Variants in TERB1 observed in about 807,000 individuals in gnomAD.
TERB1 encodes the protein telomere repeats-binding bouquet formation protein 1.
Under a neutral mutation model 92.3 loss-of-function variants are expected in TERB1, and 63 were observed. The ratio of observed to expected loss-of-function variants is 0.68; its 90% CI spans 0.56 to 0.84. The LOEUF (loss-of-function observed/expected upper bound fraction) is 0.84, where lower values mean the gene tolerates loss of function less well. Among genes scored for constraint, TERB1 ranks in the 40% least tolerant of loss-of-function variants. The pLI is 0.00. For synonymous variants in TERB1, 252 were observed against 283.9 expected, an observed-to-expected ratio of 0.89 and a Z score of 1.13; for missense variants, 709 against 843.7, an observed-to-expected ratio of 0.84 and a Z score of 1.98.
At chr16:66,771,805 C>T (rs2145130374) in intron 13 of TERB1, among the ~76,000 whole-genome samples, 3 of 152,244 alleles carry the variant, frequency 2.0e-5, no homozygotes, top group Admixed American at 2.0e-4. Context: ...GAATACTACT[C>T]AGACAATTAA....
rs1161918270 is a variant in TERB1, at chr16:66,789,392, G to T, written c.272-1095C>A. On this transcript the variant is annotated intron_variant, in intron 5 of 18. Transcript: ENST00000433154. ...GAGGTCAGGAGATCGAGACCATCCT[G>T]GCTAACACGGTGAAACCCCGTCTCT... is the stretch of plus-strand genomic sequence containing the variant. 6.2e-5 allele frequency among the ~76,000 whole-genome samples: 3 copies of T among 48,052 alleles called. 1 individual carries two copies. The highest frequency in any genetic ancestry group is 1.1e-4 in the Non-Finnish European group (3 of 28,148). The allele number at this position is 48,052 out of a possible 152,430, so 31.5% of individuals were successfully genotyped here. A position where few individuals can be genotyped will look rare whatever the true frequency, so the allele number is the denominator to read the frequency against.
intron 3 of TERB1, among the ~76,000 whole-genome samples, chr16:66,795,468 G>C (rs1411424187): frequency 6.6e-6 from 1 of 152,136 alleles, no homozygotes; most frequent in South Asian, 2.1e-4. Context: ...TTTCCAGCTA[G>C]TGTTTCCTGG....
Position 66,777,223 on chromosome 16 carries a change from C to T in TERB1, c.965G>A (p.Gly322Asp), listed in dbSNP as rs868475669. Residue 322 changes from glycine (G) to aspartate (D), a missense_variant, in exon 11 of 19, where the codon GGT becomes GAT. By Grantham distance (94) the Gly-to-Asp change is moderately conservative (BLOSUM62 -1). Transcript: ENST00000433154. ...CTTACCACAATCCTCTGTGCAATGA[C>T]CAAGAGTAAGCATGATGCTAAATTT... Reference protein sequence around the residue: ...GEKFSIMLTLGHCTEDCEENQ... With the variant: ...GEKFSIMLTLDHCTEDCEENQ... 1.3e-6 allele frequency: 2 copies of T among 1,550,572 alleles called. No individual in the cohort carries two copies. The highest frequency in any genetic ancestry group is 1.4e-5 in the African/African-American group (1 of 73,108).
chr16:66,772,582 A>G lies in TERB1; in HGVS notation c.1272+7T>C. On this transcript the variant is annotated splice_region_variant and intron_variant, in intron 13 of 18. Transcript: ENST00000433154. ...AGTTCTATATTCTTTAAAACAAAGA[A>G]TCCAACCTCATTTCCTTCTCTTTCA... is the stretch of plus-strand genomic sequence containing the variant. 1 of 1,538,998 alleles carries G rather than the reference A, an allele frequency of 6.5e-7. No homozygotes were observed. Among genetic ancestry groups the G allele is most frequent in the Non-Finnish European group, 8.7e-7 (1 of 1,143,712 alleles).
At chr16:66,791,434 T>C (rs1218444667) in intron 3 of TERB1, among the ~76,000 whole-genome samples, 3 of 151,884 alleles carry the variant, frequency 2.0e-5, no homozygotes, top group Admixed American at 6.6e-5. Context: ...CCTAGGAAAT[T>C]AGAAAAAGAA....
In TERB1 at chr16:66,772,673, C is replaced by T. The variant is rs1187706053; in HGVS notation, c.1188G>A (p.Val396=). ...NETQQLKDIS[V]KENNLEEHWR... is the part of the protein sequence containing the mutation. Reference sequence around the variant, plus strand: ...AGTGCTCTTCAAGATTATTCTCCTTCACACTTATGTCCTTTAATTGCTGTG... The same window carrying T: ...AGTGCTCTTCAAGATTATTCTCCTTTACACTTATGTCCTTTAATTGCTGTG... The change falls in exon 13 of 19, where the codon GTG becomes GTA. Residue 396 remains valine (V), a synonymous_variant. Coordinates refer to ENST00000433154, the MANE Select transcript of TERB1 (RefSeq NM_001136505.2). 6.5e-7 allele frequency: 1 copy of T among 1,549,996 alleles called. No homozygotes were observed. Among genetic ancestry groups the T allele is most frequent in the Non-Finnish European group, 8.7e-7 (1 of 1,145,388 alleles).
chr16:66,797,390 C>T (rs1378742533), intron 2 of TERB1, among the ~76,000 whole-genome samples: 1 of 151,852 alleles, frequency 6.6e-6, no homozygotes, highest in Admixed American at 6.6e-5. Context: ...CACATGCCAC[C>T]ATACTTGGCT....
intron 6 of TERB1, 55 bp downstream of exon 6, chr16:66,788,114 T>C: frequency 1.3e-5 from 16 of 1,279,418 alleles, no homozygotes; most frequent in Non-Finnish European, 1.5e-5. Flanking sequence ...AAATTAATAA[T>C]GGCTGTTCCA....
chr16:66,756,536 C>G (rs1360865118), intron 18 of TERB1, among the ~76,000 whole-genome samples: 2 of 152,150 alleles, frequency 1.3e-5, no homozygotes, highest in Non-Finnish European at 1.5e-5. Flanking sequence ...CAAAGCTTAT[C>G]AATGAAATTA....
rs368238311 is a variant in TERB1, at chr16:66,790,963, C to T, written c.88G>A (p.Ala30Thr). 29 of 1,549,514 alleles carry T rather than the reference C, an allele frequency of 1.9e-5. No individual in the cohort carries two copies. The highest frequency in any genetic ancestry group is 2.4e-5 in the Non-Finnish European group (28 of 1,145,874). The change falls in exon 4 of 19, where the codon GCT becomes ACT. Residue 30 changes from alanine to threonine, a missense_variant. Coordinates refer to ENST00000433154, the MANE Select transcript of TERB1 (RefSeq NM_001136505.2). ...LECLKYQMDN[A>T]FSQKEALVTI... is the part of the protein sequence containing the mutation. ...ACCAAAGCTTCCTTTTGTGAAAAAG[C>T]ATTGTCCATTTGATACTTTAGACAC... is the stretch of plus-strand genomic sequence containing the variant.
At chr16:66,771,498 T>C (rs1567469808) in intron 13 of TERB1, among the ~76,000 whole-genome samples, 1 of 152,218 alleles carries the variant, frequency 6.6e-6, no homozygotes, top group Non-Finnish European at 1.5e-5. Flanking sequence ...AAACTTTCCC[T>C]AAAGTTCACA....
intron 3 of TERB1, 36 bp from the exon 4 acceptor site, chr16:66,791,055 G>T: frequency 8.2e-7 from 1 of 1,224,792 alleles, no homozygotes; most frequent in South Asian, 1.5e-5. Flanking sequence ...TAAACCAAAA[G>T]GTTTATTTCA....
At chr16:66,777,571 C>A (rs981091145) in intron 10 of TERB1, among the ~76,000 whole-genome samples, 4 of 152,102 alleles carry the variant, frequency 2.6e-5, no homozygotes, top group African/African-American at 9.7e-5. Flanking sequence ...TCTTCCCATA[C>A]TAAAGACATA....
At chr16:66,767,533 G>A in intron 15 of TERB1, 23 bp from the exon 16 acceptor site, 7 of 985,454 alleles carry the variant, frequency 7.1e-6, no homozygotes, top group Admixed American at 3.1e-5. Flanking sequence ...GCAAAATGAA[G>A]GATTTTTGGA....
At chr16:66,795,884 T>C (rs2018922445) in intron 3 of TERB1, among the ~76,000 whole-genome samples, 1 of 152,122 alleles carries the variant, frequency 6.6e-6, no homozygotes, top group African/African-American at 2.4e-5. Flanking sequence ...AAGTAGCTGG[T>C]ACTACAGGTG....
rs1170534451 is a variant in TERB1 at position 66,801,555 on chromosome 16, C to T, written c.-197G>A. ...CCTCAAGCGGGAGCTTCCGCCCTTT[C>T]TTCATCACCGCTCACCTGCCACGAC... On this transcript the variant is annotated 5_prime_UTR_variant, in exon 1 of 19. Transcript: ENST00000433154. 2 of 152,224 alleles carry T rather than the reference C, an allele frequency of 1.3e-5. No homozygotes were observed. The highest frequency in any genetic ancestry group is 6.5e-5 in the Admixed American group (1 of 15,288). 9.4% of individuals were successfully genotyped at this position (152,224 alleles called of 1,614,324 possible).
intron 16 of TERB1, among the ~76,000 whole-genome samples, chr16:66,761,833 T>C (rs1264915854): frequency 6.6e-6 from 1 of 152,098 alleles, no homozygotes; most frequent in African/African-American, 2.4e-5. Context: ...GGCGGGCAGA[T>C]CACAAGGTCA....
chr16:66,754,732 C>T lies in TERB1; in HGVS notation c.*244G>A, dbSNP rs970315915. 1.4e-5 allele frequency: 6 copies of T among 440,642 alleles called. No homozygotes were observed. Among genetic ancestry groups the T allele is most frequent in the African/African-American group, 2.0e-5 (1 of 48,904 alleles). The allele number at this position is 440,642 out of a possible 1,614,324, so 27.3% of individuals were successfully genotyped here. On this transcript the variant is annotated 3_prime_UTR_variant, in exon 19 of 19. Coordinates refer to ENST00000433154, the MANE Select transcript of TERB1 (RefSeq NM_001136505.2). ...CTTTAAGCTTAAGGAAAAATAAAAGCATATTCCTAAACAAATGTTTGATCT... is the reference window on the plus strand; with the variant it reads ...CTTTAAGCTTAAGGAAAAATAAAAGTATATTCCTAAACAAATGTTTGATCT...
intron 18 of TERB1, chr16:66,758,411 T>C: frequency 5.1e-6 from 1 of 194,910 alleles, no homozygotes; most frequent in Non-Finnish European, 1.0e-5. Context: ...AGCTGTTCTT[T>C]CTCAGAAATA....
Sources: allele counts gnomAD v4.1 joint callset (sites outside exome capture counted in the v4.1 genomes callset), GRCh38; gene constraint gnomAD v4.1.1; transcripts MANE v1.5; gene names NCBI Gene and HGNC (gene_info 2026-07-23, HGNC 2026-07-21).